PKHD1: variants seen among roughly 807,000 people sequenced by gnomAD.
PKHD1 encodes fibrocystin.
PKHD1 carries 291 observed loss-of-function variants against 412.0 expected under a neutral mutation model. The ratio of observed to expected loss-of-function variants is 0.71; its 90% CI spans 0.64 to 0.78. The LOEUF is 0.78. Among genes scored for constraint, PKHD1 ranks in the 30% least tolerant of loss-of-function variants. The pLI, the probability that PKHD1 is intolerant of heterozygous loss-of-function variation, is 0.00. For missense variants in PKHD1, 4,825 were observed against 4,950.7 expected, an observed-to-expected ratio of 0.97 and a Z score of 0.76; for synonymous variants, 1,777 against 1,821.5, an observed-to-expected ratio of 0.98 and a Z score of 0.62.
chr6:51,624,107 G>A (rs899969298), intron 66 of PKHD1, among the ~76,000 whole-genome samples: 2 of 151,836 alleles, frequency 1.3e-5, no homozygotes, highest in Non-Finnish European at 2.9e-5. Flanking sequence ...CCAGGTTGGA[G>A]TGCAGTGGAT....
At chr6:51,886,589 A>C (rs1778253896) in intron 44 of PKHD1, among the ~76,000 whole-genome samples, 2 of 152,194 alleles carry the variant, frequency 1.3e-5, no homozygotes, top group African/African-American at 4.8e-5. Context: ...AGAAATCTAA[A>C]ATATTCAAAC....
chr6:51,804,294 T>A (rs1488034782), intron 52 of PKHD1, among the ~76,000 whole-genome samples: 1 of 134,518 alleles, frequency 7.4e-6, no homozygotes, highest in Non-Finnish European at 1.5e-5. Context: ...ATTTCTCAGC[T>A]GTGTCCCAAG....
intron 29 of PKHD1, 84 bp downstream of exon 29, chr6:52,032,946 A>G: frequency 7.9e-7 from 1 of 1,265,158 alleles, no homozygotes; most frequent in Non-Finnish European, 1.1e-6. Context: ...CCAAAATACA[A>G]TAAATTTCAG....
chr6:51,852,819 G>A (rs947028078), intron 49 of PKHD1, among the ~76,000 whole-genome samples: 4 of 151,704 alleles, frequency 2.6e-5, no homozygotes, highest in African/African-American at 9.7e-5. Flanking sequence ...CATAAGATGG[G>A]TCTCCTGAAT....
intron 63 of PKHD1, among the ~76,000 whole-genome samples, chr6:51,647,772 A>G (rs1489525144): frequency 6.6e-6 from 1 of 152,126 alleles, no homozygotes; most frequent in Non-Finnish European, 1.5e-5. Context: ...CACTACCTTA[A>G]GGATACGGAT....
intron 52 of PKHD1, among the ~76,000 whole-genome samples, chr6:51,800,798 A>G (rs1762794749): frequency 6.6e-6 from 1 of 152,206 alleles, no homozygotes; most frequent in African/African-American, 2.4e-5. Context: ...GACAGTTTCT[A>G]TTACAACCCT....
rs763614703 is a variant in PKHD1, at chr6:52,069,522, A to G, written c.713T>C (p.Met238Thr). 1 of 1,612,716 alleles carries G rather than the reference A, an allele frequency of 6.2e-7. No homozygotes were observed. The highest frequency in any genetic ancestry group is 8.5e-7 in the Non-Finnish European group (1 of 1,178,724). The change falls in exon 11 of 67, where the codon ATG (methionine) becomes ACG (threonine). Residue 238 changes from methionine to threonine, a missense_variant. Met to Thr is a moderately conservative substitution (Grantham distance 81). Coordinates refer to ENST00000371117, the MANE Select transcript of PKHD1 (RefSeq NM_138694.4). ...SFSVFNKGKS[M>T]VHKKAWLISA... ...GATCAGCCATGCCTTCTTGTGGACC[A>G]TTGACCTTCGAAAAAGACAAAGTTC... is the stretch of plus-strand genomic sequence containing the variant.
intron 52 of PKHD1, among the ~76,000 whole-genome samples, chr6:51,803,770 G>A (rs773746805): frequency 3.3e-5 from 5 of 151,364 alleles, no homozygotes; most frequent in Non-Finnish European, 5.9e-5. Context: ...GCAATGGTGC[G>A]ATCTTGGCTC....
chr6:51,669,322 G>C, intron 60 of PKHD1, among the ~76,000 whole-genome samples: 1 of 152,226 alleles, frequency 6.6e-6, no homozygotes, highest in Non-Finnish European at 1.5e-5. Context: ...GTATTTTCTA[G>C]TTTATTTGCA....
intron 35 of PKHD1, among the ~76,000 whole-genome samples, chr6:51,973,850 C>T (rs563031987): frequency 3.3e-5 from 5 of 152,076 alleles, no homozygotes; most frequent in Non-Finnish European, 5.9e-5. Context: ...AAATATAGCT[C>T]CCAAGAAGCC....
intron 66 of PKHD1, chr6:51,622,787 T>G (rs1291702614): frequency 2.0e-5 from 3 of 152,200 alleles, no homozygotes; most frequent in South Asian, 2.1e-4. Flanking sequence ...TTAATCCATC[T>G]GGAATTTCCT....
intron 63 of PKHD1, among the ~76,000 whole-genome samples, chr6:51,643,177 G>T (rs767558458): frequency 2.0e-5 from 3 of 152,136 alleles, no homozygotes; most frequent in Admixed American, 2.0e-4. Context: ...ACTGAAAAAT[G>T]AACAGAATGA....
At chr6:51,957,848 C>A (rs2127934986) in intron 36 of PKHD1, among the ~76,000 whole-genome samples, 1 of 152,140 alleles carries the variant, frequency 6.6e-6, no homozygotes, top group Middle Eastern at 3.4e-3. Context: ...ACCAAGATTA[C>A]CCCAGTATAC....
At chr6:52,022,773 A>C in intron 33 of PKHD1, 28 bp downstream of exon 33, 1 of 1,607,652 alleles carries the variant, frequency 6.2e-7, no homozygotes, top group Non-Finnish European at 8.5e-7. Flanking sequence ...TATGCTTTAA[A>C]ATATATGTGT....
chr6:51,775,740 A>G, intron 54 of PKHD1, 68 bp downstream of exon 54: 1 of 800,466 alleles, frequency 1.2e-6, no homozygotes, highest in Admixed American at 1.8e-5. Context: ...GTATTTCTCT[A>G]TCAGACACAA....
intron 65 of PKHD1, among the ~76,000 whole-genome samples, 199 bp downstream of exon 65, chr6:51,632,366 T>C (rs1768032156): frequency 6.6e-6 from 1 of 152,212 alleles, no homozygotes; most frequent in South Asian, 2.1e-4. Context: ...GTTTTTATTA[T>C]TATTGCTATT....
chr6:52,084,789 A>G (rs1341007082), intron 2 of PKHD1, 93 bp downstream of exon 2: 15 of 879,760 alleles, frequency 1.7e-5, no homozygotes, highest in Non-Finnish European at 2.9e-5. Flanking sequence ...TTTATGGTAT[A>G]CAACCAAAAT....
rs1019399259 is a variant in PKHD1, at chr6:51,970,923, G to C, written c.5752-10897C>G. Among the ~76,000 whole-genome samples, 76 of 152,204 alleles carry C rather than the reference G, an allele frequency of 5.0e-4. 1 individual carries two copies. Among genetic ancestry groups the C allele is most frequent in the African/African-American group, 1.7e-3 (72 of 41,520 alleles). ...TGTTCTTTTTGCTTAGGATTGCTTT[G>C]GCTAGTTGGGCAGTTTTTTGGTCCC... is the stretch of plus-strand genomic sequence containing the variant. On this transcript the variant is annotated intron_variant, in intron 35 of 66. Coordinates refer to ENST00000371117, the MANE Select transcript of PKHD1 (RefSeq NM_138694.4).
chr6:51,656,325 A>G (rs1013333290), intron 61 of PKHD1, among the ~76,000 whole-genome samples: 3 of 152,176 alleles, frequency 2.0e-5, no homozygotes, highest in African/African-American at 7.2e-5. Context: ...GGAACATCAC[A>G]CACCGGGGCC....
Sources: gnomAD v4.1 joint callset for allele counts (sites outside exome capture counted in the v4.1 genomes callset) on GRCh38, gnomAD v4.1.1 for gene constraint, MANE v1.5 for transcripts, NCBI Gene and HGNC (gene_info 2026-07-23, HGNC 2026-07-21) for gene names.